ZNF449: variants seen among roughly 807,000 people sequenced by gnomAD.
ZNF449 encodes zinc finger and SCAN domain-containing protein 19.
In ZNF449, 4 loss-of-function variants were observed where a neutral mutation model predicts 32.6. The ratio of observed to expected loss-of-function variants is 0.12; its 90% confidence interval spans 0.06 to 0.28. ZNF449 has a LOEUF of 0.28. ZNF449 is among the 10% of genes least tolerant of loss of function. The pLI, the probability that ZNF449 is intolerant of heterozygous loss-of-function variation, is 1.00. For synonymous variants in ZNF449, 123 were observed against 132.2 expected (o/e 0.93, Z 0.48); for missense variants, 275 against 383.2 (o/e 0.72, Z 2.36).
At chrX:135,352,447 G>T (rs2084893024) in intron 3 of ZNF449, among the ~76,000 whole-genome samples, 1 of 111,865 alleles carries the variant, frequency 8.9e-6, no homozygotes, top group Admixed American at 9.5e-5. Flanking sequence ...AAGAAAAGAG[G>T]CAAGGAGACG....
Position 135,349,258 on chromosome X carries a change from G to T in ZNF449, c.503G>T (p.Gly168Val). 8.3e-7 allele frequency: 1 copy of T among 1,211,682 alleles called. No homozygotes were observed. The highest frequency in any genetic ancestry group is 1.8e-5 in the South Asian group (1 of 56,977). ...PVAEAWIPQAGPPELNYGATG... is the reference protein window; with the variant it reads ...PVAEAWIPQAVPPELNYGATG... Reference sequence around the variant, plus strand: ...GCAGAGGCATGGATCCCACAGGCAGGGCCACCGGAGCTGAACTATGGTGCT... The same window carrying T: ...GCAGAGGCATGGATCCCACAGGCAGTGCCACCGGAGCTGAACTATGGTGCT... The change falls in exon 3 of 5, where the codon GGG (glycine) becomes GTG (valine). Residue 168 changes from glycine (G) to valine (V), a missense_variant. This residue lies in a region of ZNF449 where 165 missense variants were observed against 175.0 expected (regional missense o/e 0.94). Coordinates refer to ENST00000339249, the MANE Select transcript of ZNF449 (RefSeq NM_152695.6).
At chrX:135,352,928 T>G (rs781903564) in intron 3 of ZNF449, among the ~76,000 whole-genome samples, 1 of 111,958 alleles carries the variant, frequency 8.9e-6, no homozygotes, top group African/African-American at 3.2e-5. Context: ...TTTTCCCTCT[T>G]TGCATGGGAT....
rs2084941256 is a variant in ZNF449, at chrX:135,360,501, T to G, written c.982T>G (p.Cys328Gly). ...AGAGAAACCTCACCGATGTCCTCAG[T>G]GTGGAAAATGTTTTGCTCGGAAGTC... is the stretch of plus-strand genomic sequence containing the variant. ...PGEKPHRCPQCGKCFARKSQL... is the reference protein window; with the variant it reads ...PGEKPHRCPQGGKCFARKSQL... Residue 328 changes from cysteine to glycine, a missense_variant, in exon 5 of 5, where the codon TGT becomes GGT. Physicochemically the swap from Cys to Gly is radical, Grantham distance 159. Transcript: ENST00000339249. The G allele has an allele frequency of 8.3e-7, 1 of 1,211,174 alleles. No homozygotes were observed. The highest frequency in any genetic ancestry group is 1.7e-5 in the African/African-American group (1 of 57,598).
intron 3 of ZNF449, among the ~76,000 whole-genome samples, chrX:135,351,002 G>A (rs1379806730): frequency 3.6e-5 from 4 of 111,286 alleles, no homozygotes; most frequent in African/African-American, 1.3e-4. Flanking sequence ...AGAGCAGTGG[G>A]GCAGGAGTGG....
chrX:135,345,520 A>G (rs1171879366), intron 1 of ZNF449, among the ~76,000 whole-genome samples: 1 of 112,207 alleles, frequency 8.9e-6, no homozygotes, highest in Non-Finnish European at 1.9e-5. Flanking sequence ...GACAAGCAAT[A>G]AACTTTAATT....
intron 2 of ZNF449, 99 bp from the exon 3 acceptor site, chrX:135,349,011 G>A (rs1340782402): frequency 1.1e-4 from 113 of 1,047,359 alleles, no homozygotes; most frequent in Non-Finnish European, 1.4e-4. Context: ...TATTCATATG[G>A]CCACTAGAAA....
chrX:135,356,952 G>A (rs180859671), intron 3 of ZNF449, among the ~76,000 whole-genome samples: 1 of 110,796 alleles, frequency 9.0e-6, no homozygotes, highest in Admixed American at 9.6e-5. Context: ...GCTGTCAGAG[G>A]TGGAAGGAAA....
chrX:135,362,624 C>A lies in ZNF449; in HGVS notation c.*1548C>A, dbSNP rs1170822800. The A allele has an allele frequency of 8.9e-6, 1 of 112,004 alleles. No individual in the cohort carries two copies. Among genetic ancestry groups the A allele is most frequent in the African/African-American group, 3.2e-5 (1 of 30,865 alleles). 9.2% of individuals were successfully genotyped at this position (112,004 alleles called of 1,213,427 possible). On this transcript the variant is annotated 3_prime_UTR_variant, in exon 5 of 5. Transcript: ENST00000339249. Reference sequence around the variant, plus strand: ...TCCCTTTATGAAGATGTTCAGTCATCCTTTCCTTGAACTACAATTAGGAAA... The same window carrying A: ...TCCCTTTATGAAGATGTTCAGTCATACTTTCCTTGAACTACAATTAGGAAA...
chrX:135,360,961 A>G lies in ZNF449; in HGVS notation c.1442A>G (p.His481Arg). The change falls in exon 5 of 5, where the codon CAT becomes CGT. Residue 481 changes from histidine (H) to arginine (R), a missense_variant. This residue lies in a region of ZNF449 where 80 missense variants were observed against 146.6 expected (regional missense o/e 0.55). Coordinates refer to ENST00000339249, the MANE Select transcript of ZNF449 (RefSeq NM_152695.6). ...AGACAGAGACCAAGCCTCGTTATTC[A>G]TTTAAGAATCCACACAGGGGAGAAG... is the stretch of plus-strand genomic sequence containing the variant. ...SFRQRPSLVI[H>R]LRIHTGEKPY... is the part of the protein sequence containing the mutation. 1 of 1,211,671 alleles carries G rather than the reference A, an allele frequency of 8.3e-7. No homozygotes were observed. The highest frequency in any genetic ancestry group is 1.1e-6 in the Non-Finnish European group (1 of 895,336).
chrX:135,351,892 A>G (rs2084889873), intron 3 of ZNF449, among the ~76,000 whole-genome samples: 1 of 111,756 alleles, frequency 8.9e-6, no homozygotes, highest in African/African-American at 3.2e-5. Flanking sequence ...AATCTAGTAT[A>G]TTTAACAAAG....
chrX:135,344,815 A>C lies in ZNF449; in HGVS notation c.-121A>C, dbSNP rs1427718773. ...CTGGGCAGTTGCCGGTGAGCTTGGG[A>C]GAACCGTGGGCGCTGAGGCGGTGAG... On this transcript the variant is annotated 5_prime_UTR_variant, in exon 1 of 5. Coordinates refer to ENST00000339249, the MANE Select transcript of ZNF449 (RefSeq NM_152695.6). 8.8e-6 allele frequency: 1 copy of C among 113,227 alleles called. No individual in the cohort carries two copies. The highest frequency in any genetic ancestry group is 3.2e-5 in the African/African-American group (1 of 31,226). 9.3% of individuals were successfully genotyped at this position (113,227 alleles called of 1,213,427 possible). A position where few individuals can be genotyped will look rare whatever the true frequency, so the allele number is the denominator to read the frequency against.
intron 3 of ZNF449, among the ~76,000 whole-genome samples, chrX:135,355,300 G>A (rs1421787510): frequency 1.8e-5 from 2 of 109,761 alleles, no homozygotes; most frequent in East Asian, 5.7e-4. Flanking sequence ...GGTAAATGGG[G>A]TATCCATCTC....
chrX:135,344,894 G>A (rs2084830239), intron 1 of ZNF449, 59 bp downstream of exon 1: 1 of 113,311 alleles, frequency 8.8e-6, no homozygotes, highest in African/African-American at 3.2e-5. Context: ...CGCGGGTAGC[G>A]GGGCTCCTTT....
chrX:135,354,330 T>C (rs1443230715), intron 3 of ZNF449, among the ~76,000 whole-genome samples: 1 of 112,350 alleles, frequency 8.9e-6, no homozygotes, highest in Non-Finnish European at 1.9e-5. Flanking sequence ...GTCAGTTTTA[T>C]TCAGCATTGG....
At chrX:135,349,438 G>A in intron 3 of ZNF449, 124 bp downstream of exon 3, 2 of 658,138 alleles carry the variant, frequency 3.0e-6, no homozygotes, top group East Asian at 3.5e-5. Context: ...ATAAAGAAGA[G>A]GAAAAAGTCT....
chrX:135,360,640 C>T lies in ZNF449; in HGVS notation c.1121C>T (p.Thr374Ile), dbSNP rs782074021. ...CTTTATAGACACCAACGACTTCATACAGGGGAGAGACCCTATGAATGCACT... is the reference window on the plus strand; with the variant it reads ...CTTTATAGACACCAACGACTTCATATAGGGGAGAGACCCTATGAATGCACT... Reference protein sequence around the residue: ...SDLYRHQRLHTGERPYECTVC... With the variant: ...SDLYRHQRLHIGERPYECTVC... The change falls in exon 5 of 5, where the codon ACA (threonine) becomes ATA (isoleucine). Residue 374 changes from threonine to isoleucine, a missense_variant. Physicochemically the swap from Thr to Ile is moderately conservative, Grantham distance 89 (BLOSUM62 -1). Coordinates refer to ENST00000339249, the MANE Select transcript of ZNF449 (RefSeq NM_152695.6). 2.5e-6 allele frequency: 3 copies of T among 1,211,467 alleles called. No individual in the cohort carries two copies.
chrX:135,361,364 A>G lies in ZNF449; in HGVS notation c.*288A>G, dbSNP rs1266036701. 1 of 219,251 alleles carries G rather than the reference A, an allele frequency of 4.6e-6. No homozygotes were observed. Among genetic ancestry groups the G allele is most frequent in the Non-Finnish European group, 8.1e-6 (1 of 122,830 alleles). 18.1% of individuals were successfully genotyped at this position (219,251 alleles called of 1,213,427 possible). A position where few individuals can be genotyped will look rare whatever the true frequency, so the allele number is the denominator to read the frequency against. On this transcript the variant is annotated 3_prime_UTR_variant, in exon 5 of 5. Coordinates refer to ENST00000339249, the MANE Select transcript of ZNF449 (RefSeq NM_152695.6). Reference sequence around the variant, plus strand: ...AGGCAACTGTATCATAGGTGTAAACATAAAGCATATAAATTATGACAATCC... The same window carrying G: ...AGGCAACTGTATCATAGGTGTAAACGTAAAGCATATAAATTATGACAATCC...
rs1175836455 is a variant in ZNF449 at position 135,362,009 on chromosome X, C to T, written c.*933C>T. Reference sequence around the variant, plus strand: ...TTCCAAACTTATTTGACCCCAAAACCTTTTTCATATACCCAATAATAAGCT... The same window carrying T: ...TTCCAAACTTATTTGACCCCAAAACTTTTTTCATATACCCAATAATAAGCT... On this transcript the variant is annotated 3_prime_UTR_variant, in exon 5 of 5. Transcript: ENST00000339249. 3 of 111,500 alleles carry T rather than the reference C, an allele frequency of 2.7e-5. No homozygotes were observed. The highest frequency in any genetic ancestry group is 3.3e-5 in the African/African-American group (1 of 30,729). The allele number at this position is 111,500 out of a possible 1,213,427, so 9.2% of individuals were successfully genotyped here. A position where few individuals can be genotyped will look rare whatever the true frequency, so the allele number is the denominator to read the frequency against.
At chrX:135,356,878 A>G (rs1459694142) in intron 3 of ZNF449, among the ~76,000 whole-genome samples, 2 of 111,650 alleles carry the variant, frequency 1.8e-5, no homozygotes, top group African/African-American at 6.5e-5. Context: ...ACAGTGTGGT[A>G]CTTCCATAAG....
Sources: gnomAD v4.1 joint callset for allele counts (sites outside exome capture counted in the v4.1 genomes callset) on GRCh38, gnomAD v4.1.1 for gene constraint, gnomAD v4.1.1 regional missense constraint, MANE v1.5 for transcripts, NCBI Gene and HGNC (gene_info 2026-07-23, HGNC 2026-07-21) for gene names.